The following LOXL2 variants were observed in gnomAD, a reference collection of about 807,000 sequenced individuals.
The protein encoded by LOXL2 is lysyl oxidase like 2.
A neutral mutation model predicts 93.0 loss-of-function variants in LOXL2; 70 were observed. The observed-to-expected ratio is 0.75, with a 90% CI of 0.62 to 0.92. The LOEUF is 0.92. Among genes scored for constraint, LOXL2 ranks in the 40% least tolerant of loss-of-function variants. The pLI is 0.00. For synonymous variants in LOXL2, 438 were observed against 413.2 expected (o/e 1.06, Z -0.73); for missense variants, 973 against 1,054.9 (o/e 0.92, Z 1.08).
At chr8:23,307,006 A>G (rs1368801575) in intron 10 of LOXL2, among the ~76,000 whole-genome samples, 1 of 152,248 alleles carries the variant, frequency 6.6e-6, no homozygotes, top group Non-Finnish European at 1.5e-5. Context: ...GGGCTTTCAA[A>G]GAACAGAGCT....
intron 5 of LOXL2, among the ~76,000 whole-genome samples, chr8:23,333,084 G>A (rs1803731739): frequency 6.6e-6 from 1 of 152,166 alleles, no homozygotes; most frequent in Admixed American, 6.5e-5. Context: ...GCTTTTCAGA[G>A]TTGGGTCACA....
intron 1 of LOXL2, among the ~76,000 whole-genome samples, chr8:23,378,698 A>C (rs187890007): frequency 6.6e-6 from 1 of 152,044 alleles, no homozygotes; most frequent in Non-Finnish European, 1.5e-5. Flanking sequence ...TTTGATCTTC[A>C]ATCACTGATA....
chr8:23,349,499 T>C, intron 3 of LOXL2, among the ~76,000 whole-genome samples: 3 of 152,290 alleles, frequency 2.0e-5, no homozygotes, highest in Admixed American at 2.0e-4. Context: ...CGCTGTCATG[T>C]GGTCCCTAAT....
chr8:23,335,627 C>A (rs1370686606), intron 4 of LOXL2, among the ~76,000 whole-genome samples: 1 of 152,056 alleles, frequency 6.6e-6, no homozygotes, highest in African/African-American at 2.4e-5. Flanking sequence ...CTGCTCATGT[C>A]GACCCAGCTT....
chr8:23,346,372 A>G (rs67910211), intron 3 of LOXL2, among the ~76,000 whole-genome samples: 61,675 of 151,674 alleles, frequency 0.41, 13,424 homozygotes, highest in African/African-American at 0.57. Context: ...CAGAAACTCC[A>G]GGATGTGTGG....
intron 3 of LOXL2, among the ~76,000 whole-genome samples, chr8:23,344,084 A>C (rs1803929002): frequency 6.6e-6 from 1 of 152,236 alleles, no homozygotes; most frequent in African/African-American, 2.4e-5. Flanking sequence ...AGGAGGAAGA[A>C]GGCCTGGCTG....
Position 23,368,217 on chromosome 8 carries a change from G to T in LOXL2, c.135C>A (p.His45Gln), listed in dbSNP as rs898214383. 1 of 1,614,040 alleles carries T rather than the reference G, an allele frequency of 6.2e-7. No individual in the cohort carries two copies. Among genetic ancestry groups the T allele is most frequent in the African/African-American group, 1.3e-5 (1 of 75,068 alleles). Residue 45 changes from histidine to glutamine, a missense_variant, in exon 2 of 14, where the codon CAC becomes CAA. Physicochemically the swap from His to Gln is conservative, Grantham distance 24. Transcript: ENST00000389131. The stretch of plus-strand genomic sequence containing the variant: ...CCACGTTGGCGGGGGCCTGGGGCTG[G>T]TGATACTCAGGAGCCGGTTGCTGGA... The part of the protein sequence containing the change: ...EYFQQPAPEY[H>Q]QPQAPANVAK...
At chr8:23,339,492 C>CT (rs1803846182) in intron 4 of LOXL2, among the ~76,000 whole-genome samples, 1 of 152,200 alleles carries the variant, frequency 6.6e-6, no homozygotes, top group African/African-American at 2.4e-5. Flanking sequence ...CTGAGATCAA[C>CT]TCCTCAAAAG....
chr8:23,319,234 C>T (rs1158419751), intron 8 of LOXL2, among the ~76,000 whole-genome samples: 2 of 117,686 alleles, frequency 1.7e-5, no homozygotes, highest in Admixed American at 1.3e-4. Flanking sequence ...GGGAATGCGT[C>T]GGGATTAGAC....
chr8:23,383,040 T>C lies in LOXL2; in HGVS notation c.-83-14606A>G, dbSNP rs953489431. ...TCTGACCTGGTGGTCCTCTGGTACC[T>C]AACATGCCTCTCCGTAGCGGTTTTA... On this transcript the variant is annotated intron_variant, in intron 1 of 13. Coordinates refer to ENST00000389131, the MANE Select transcript of LOXL2 (RefSeq NM_002318.3). Among the ~76,000 whole-genome samples, 35 of 152,274 alleles carry C rather than the reference T, an allele frequency of 2.3e-4. 1 individual carries two copies. Among genetic ancestry groups the C allele is most frequent in the Admixed American group, 2.0e-3 (31 of 15,288 alleles).
intron 9 of LOXL2, among the ~76,000 whole-genome samples, chr8:23,313,522 A>T (rs1803348395): frequency 6.7e-6 from 1 of 148,838 alleles, no homozygotes; most frequent in Non-Finnish European, 1.5e-5. Context: ...TCTTTGACAA[A>T]CCTGAGAAAA....
intron 1 of LOXL2, among the ~76,000 whole-genome samples, chr8:23,376,538 G>A (rs1804595942): frequency 2.0e-5 from 3 of 152,134 alleles, no homozygotes; most frequent in Admixed American, 2.0e-4. Context: ...TTGTACCTCT[G>A]GTAGAATTCG....
intron 3 of LOXL2, among the ~76,000 whole-genome samples, chr8:23,346,116 T>TAAAAAATAAAA (rs1563197384): frequency 4.2e-5 from 1 of 23,792 alleles, no homozygotes; most frequent in African/African-American, 2.5e-4. Flanking sequence ...TAAAATAAAA[T>TAAAAAATAAAA]TAAAATAAAA....
At chr8:23,397,720 G>A (rs1478836270) in intron 1 of LOXL2, among the ~76,000 whole-genome samples, 3 of 150,674 alleles carry the variant, frequency 2.0e-5, no homozygotes, top group African/African-American at 7.3e-5. Flanking sequence ...GGAGCTTGCA[G>A]TGAGCCGAGA....
chr8:23,349,971 C>T (rs945763714), intron 3 of LOXL2, among the ~76,000 whole-genome samples: 5 of 152,092 alleles, frequency 3.3e-5, no homozygotes, highest in Admixed American at 6.5e-5. Context: ...TAAAGTTATG[C>T]AGTCCTCATC....
rs866053932 is a variant in LOXL2 at position 23,307,974 on chromosome 8, G to C, written c.1880+1694C>G. ...ATATGAAAAAAAAAAAAAAAAAAAA[G>C]CCAAAGATAGATTTCTGATGAAGAG... On this transcript the variant is annotated intron_variant, in intron 10 of 13. Coordinates refer to ENST00000389131, the MANE Select transcript of LOXL2 (RefSeq NM_002318.3). Among the ~76,000 whole-genome samples the C allele has an allele frequency of 2.1e-3, 36 of 17,470 alleles. 1 individual carries two copies. In the Middle Eastern group the frequency reaches 0.2, roughly 97 times the overall value. The allele number at this position is 17,470 out of a possible 152,430, so 11.5% of individuals were successfully genotyped here. A position where few individuals can be genotyped will look rare whatever the true frequency, so the allele number is the denominator to read the frequency against.
At chr8:23,299,629 C>T (rs1022680960) in intron 12 of LOXL2, among the ~76,000 whole-genome samples, 2 of 151,996 alleles carry the variant, frequency 1.3e-5, no homozygotes, top group Admixed American at 6.5e-5. Flanking sequence ...GGTGAGGACC[C>T]GAGGAGAAAA....
intron 5 of LOXL2, among the ~76,000 whole-genome samples, chr8:23,329,729 C>T (rs774873228): frequency 9.2e-5 from 14 of 152,208 alleles, no homozygotes; most frequent in Non-Finnish European, 1.9e-4. Context: ...CTGCCCTAGC[C>T]TATGTTGTCC....
At chr8:23,333,148 C>T (rs1803732586) in intron 5 of LOXL2, among the ~76,000 whole-genome samples, 3 of 152,194 alleles carry the variant, frequency 2.0e-5, no homozygotes, top group South Asian at 4.1e-4. Context: ...TGTCGCACAA[C>T]CCTTCATCGT....
Sources: allele counts gnomAD v4.1 joint callset (sites outside exome capture counted in the v4.1 genomes callset), GRCh38; gene constraint gnomAD v4.1.1; transcripts MANE v1.5; gene names NCBI Gene and HGNC (gene_info 2026-07-23, HGNC 2026-07-21).